Variants in PPARGC1B observed in about 807,000 individuals in gnomAD.
The protein encoded by PPARGC1B is PPARG coactivator 1 beta.
PPARGC1B carries 34 observed loss-of-function variants against 101.6 expected under a neutral mutation model. The observed-to-expected ratio is 0.33, with a 90% CI of 0.25 to 0.45. PPARGC1B has a LOEUF of 0.45. PPARGC1B is among the 20% of genes least tolerant of loss of function. The probability of loss-of-function intolerance (pLI) is 1.00; values close to 1 mark genes in which losing one functional copy is unlikely to be tolerated. For synonymous variants in PPARGC1B, 548 were observed against 539.3 expected (o/e 1.02, Z -0.22); for missense variants, 1,234 against 1,317.6 (o/e 0.94, Z 0.98).
intron 3 of PPARGC1B, among the ~76,000 whole-genome samples, chr5:149,828,719 G>C (rs1043416116): frequency 6.6e-6 from 1 of 152,166 alleles, no homozygotes; most frequent in Non-Finnish European, 1.5e-5. Context: ...CAGACTTGCT[G>C]TCTAGACTCC....
chr5:149,763,477 G>A (rs1755787339), intron 1 of PPARGC1B, among the ~76,000 whole-genome samples: 1 of 151,656 alleles, frequency 6.6e-6, no homozygotes, highest in Non-Finnish European at 1.5e-5. Flanking sequence ...AGGTCCTGAG[G>A]GTTCAGAGCA....
At chr5:149,772,650 G>C (rs1756177755) in intron 1 of PPARGC1B, among the ~76,000 whole-genome samples, 6 of 151,986 alleles carry the variant, frequency 3.9e-5, no homozygotes, top group Non-Finnish European at 8.8e-5. Context: ...CTCTTATAAG[G>C]GCACCAGTCA....
chr5:149,793,877 C>T (rs960958088), intron 1 of PPARGC1B, among the ~76,000 whole-genome samples: 5 of 152,168 alleles, frequency 3.3e-5, no homozygotes, highest in Non-Finnish European at 7.3e-5. Flanking sequence ...AGCACTGTGT[C>T]GGGGCAAAGG....
At chr5:149,777,865 TC>T (rs1262795078) in intron 1 of PPARGC1B, among the ~76,000 whole-genome samples, 5 of 8,088 alleles carry the variant, frequency 6.2e-4, no homozygotes, top group Non-Finnish European at 1.2e-3. Context: ...AGTGCCCCCC[TC>T]CCCCCCCACC....
At chr5:149,805,300 G>A (rs1757559166) in intron 1 of PPARGC1B, among the ~76,000 whole-genome samples, 1 of 152,190 alleles carries the variant, frequency 6.6e-6, no homozygotes, top group East Asian at 1.9e-4. Context: ...AACTATCATA[G>A]GGTCCTTAAA....
At chr5:149,755,072 T>TAA (rs1755467363) in intron 1 of PPARGC1B, among the ~76,000 whole-genome samples, 2 of 146,100 alleles carry the variant, frequency 1.4e-5, no homozygotes, top group Admixed American at 1.4e-4. Flanking sequence ...TATATATATA[T>TAA]AATTTTTTTT....
At chr5:149,807,975 G>A (rs561348609) in intron 1 of PPARGC1B, among the ~76,000 whole-genome samples, 69 of 152,246 alleles carry the variant, frequency 4.5e-4, no homozygotes, top group Non-Finnish European at 6.6e-4. Context: ...AAACTCAGTC[G>A]TCAAGATCAA....
intron 8 of PPARGC1B, among the ~76,000 whole-genome samples, chr5:149,839,327 A>G (rs565883392): frequency 7.2e-5 from 11 of 152,342 alleles, no homozygotes; most frequent in African/African-American, 2.6e-4. Flanking sequence ...GCCAAGCTTC[A>G]AACTCAAGCT....
At chr5:149,757,251 C>G (rs138981029) in intron 1 of PPARGC1B, among the ~76,000 whole-genome samples, 66 of 152,068 alleles carry the variant, frequency 4.3e-4, no homozygotes, top group Middle Eastern at 3.4e-3. Context: ...GCAGAGGCAT[C>G]GAGTGGCTAA....
Position 149,834,656 on chromosome 5 carries a change from T to C in PPARGC1B, c.1706-18T>C. On this transcript the variant is annotated intron_variant, in intron 5 of 11. Transcript: ENST00000309241. Reference sequence around the variant, plus strand: ...ATACCATATTGGGGAATCTTATTTTTCTGTGTCTTCTTTTCAGACTCTCCC... The same window carrying C: ...ATACCATATTGGGGAATCTTATTTTCCTGTGTCTTCTTTTCAGACTCTCCC... The C allele has an allele frequency of 6.2e-7, 1 of 1,612,550 alleles. No individual in the cohort carries two copies. The highest frequency in any genetic ancestry group is 8.5e-7 in the Non-Finnish European group (1 of 1,178,578).
At position 149,830,055 on chromosome 5, in the gene PPARGC1B, GAAA is replaced by G. The variant is rs71587791; in HGVS notation, c.466-699_466-697del. ...CAAAAAAAAAAAAAAAAAAAAAAAA[GAAA>G]AAAAAAAAAAAACAGGGTGGGTTGG... On this transcript the variant is annotated intron_variant, in intron 3 of 11. Coordinates refer to ENST00000309241, the MANE Select transcript of PPARGC1B (RefSeq NM_133263.4). Among the ~76,000 whole-genome samples, 11 of 89,836 alleles carry G rather than the reference GAAA, an allele frequency of 1.2e-4. No homozygotes were observed. In the East Asian group the frequency reaches 1.8e-3, roughly 14 times the overall value. 58.9% of individuals were successfully genotyped at this position (89,836 alleles called of 152,430 possible).
In PPARGC1B at chr5:149,832,530, G is replaced by T; in HGVS notation, c.583-126G>T. ...CTGTGTGGGAAGCTGGGGACGGAAT[G>T]AAGGAAACCTGGCTGTTCCTATGAT... On this transcript the variant is annotated intron_variant, in intron 4 of 11. Coordinates refer to ENST00000309241, the MANE Select transcript of PPARGC1B (RefSeq NM_133263.4). The surrounding 1 kb of genome is among the most constrained non-coding windows in gnomAD (Gnocchi z 4.9). The T allele has an allele frequency of 1.3e-6, 1 of 775,234 alleles. No homozygotes were observed. The allele number at this position is 775,234 out of a possible 1,614,324, so 48.0% of individuals were successfully genotyped here. A position where few individuals can be genotyped will look rare whatever the true frequency, so the allele number is the denominator to read the frequency against.
At chr5:149,790,577 T>C (rs964906598) in intron 1 of PPARGC1B, among the ~76,000 whole-genome samples, 4 of 152,082 alleles carry the variant, frequency 2.6e-5, no homozygotes, top group African/African-American at 9.7e-5. Flanking sequence ...AGGAGCACAA[T>C]TGAGAGAGAT....
chr5:149,738,528 C>T (rs971280143), intron 1 of PPARGC1B, among the ~76,000 whole-genome samples: 2 of 152,176 alleles, frequency 1.3e-5, no homozygotes, highest in African/African-American at 2.4e-5. Flanking sequence ...CTCCCCGCCA[C>T]CATCCCTGCC....
chr5:149,793,530 C>T (rs1218106507), intron 1 of PPARGC1B, among the ~76,000 whole-genome samples: 2 of 152,212 alleles, frequency 1.3e-5, no homozygotes, highest in African/African-American at 4.8e-5. Context: ...CCAGCAGCCT[C>T]TGCCTTCTGG....
chr5:149,804,982 A>C (rs540245392), intron 1 of PPARGC1B, among the ~76,000 whole-genome samples: 98 of 152,290 alleles, frequency 6.4e-4, no homozygotes, highest in African/African-American at 2.2e-3. Context: ...GAGGGTTTTC[A>C]GCAGGAGAGT....
At position 149,833,158 on chromosome 5, in the gene PPARGC1B, C is replaced by T. The variant is rs779722786; in HGVS notation, c.1085C>T (p.Ala362Val). 1 of 1,613,672 alleles carries T rather than the reference C, an allele frequency of 6.2e-7. No individual in the cohort carries two copies. The highest frequency in any genetic ancestry group is 1.7e-5 in the Admixed American group (1 of 60,028). ...GATGTCAGCAAACCCTACCGTCTGGCCACGCCTGTTTATGCCTCCCTCACA... is the reference window on the plus strand; with the variant it reads ...GATGTCAGCAAACCCTACCGTCTGGTCACGCCTGTTTATGCCTCCCTCACA... The part of the protein sequence containing the change: ...LCDVSKPYRL[A>V]TPVYASLTPR... The change falls in exon 5 of 12, where the codon GCC becomes GTC. Residue 362 changes from alanine (A) to valine (V), a missense_variant. Around this residue, in one of 3 missense-constraint regions of PPARGC1B, gnomAD observed 734 missense variants for 768.4 expected, o/e 0.96. Transcript: ENST00000309241. This position sits in a 1 kb window ranked among gnomAD's most constrained non-coding sequence, Gnocchi z 4.1.
chr5:149,823,354 A>C (rs1239335292), intron 2 of PPARGC1B, among the ~76,000 whole-genome samples: 1 of 152,066 alleles, frequency 6.6e-6, no homozygotes, highest in Non-Finnish European at 1.5e-5. Context: ...GGGTTTCTTG[A>C]ACCTCAATTT....
chr5:149,786,302 G>C (rs1561537780), intron 1 of PPARGC1B, among the ~76,000 whole-genome samples: 1 of 152,144 alleles, frequency 6.6e-6, no homozygotes. Flanking sequence ...CATCACGTTG[G>C]CCAGGCTGGT....
Sources: gnomAD v4.1 joint callset for allele counts (sites outside exome capture counted in the v4.1 genomes callset) on GRCh38, gnomAD v4.1.1 for gene constraint, gnomAD v4.1.1 regional missense constraint, Gnocchi (gnomAD v3.1) non-coding constraint, MANE v1.5 for transcripts, NCBI Gene and HGNC (gene_info 2026-07-23, HGNC 2026-07-21) for gene names.